Variants in MARCHF1 observed in about 807,000 individuals in gnomAD.
MARCHF1 encodes the protein E3 ubiquitin-protein ligase MARCHF1.
MARCHF1 carries 40 observed loss-of-function variants against 54.2 expected under a neutral mutation model. That is an observed-to-expected ratio of 0.74 (90% confidence interval 0.57 to 0.96). MARCHF1 has a LOEUF of 0.96. Among genes scored for constraint, MARCHF1 ranks in the 40% least tolerant of loss-of-function variants. The pLI, the probability that MARCHF1 is intolerant of heterozygous loss-of-function variation, is 0.00. For missense variants in MARCHF1, 586 were observed against 656.5 expected (o/e 0.89, Z 1.17); for synonymous variants, 236 against 236.3 (o/e 1.00, Z 0.01).
At chr4:163,992,134 A>G (rs1752979564) in intron 2 of MARCHF1, among the ~76,000 whole-genome samples, 1 of 151,572 alleles carries the variant, frequency 6.6e-6, no homozygotes, top group Non-Finnish European at 1.5e-5. Context: ...AAGAAAGGAA[A>G]CCCAGTGTTG....
intron 2 of MARCHF1, among the ~76,000 whole-genome samples, chr4:164,084,474 A>G (rs1755157535): frequency 1.3e-5 from 2 of 151,900 alleles, no homozygotes; most frequent in Non-Finnish European, 3.0e-5. Flanking sequence ...AAGAATTTCC[A>G]CATTTTCCAT....
intron 2 of MARCHF1, among the ~76,000 whole-genome samples, chr4:163,994,148 C>T (rs781782261): frequency 1.3e-4 from 20 of 152,030 alleles, no homozygotes; most frequent in Non-Finnish European, 2.8e-4. Context: ...GTAAAGCAGT[C>T]ATCCCAAAAG....
In MARCHF1 at chr4:164,220,606, A is replaced by ATGCTATATATGCATATATGTAATATG. The variant is rs1560959847; in HGVS notation, c.-322-108945_-322-108944insCATATTACATATATGCATATATAGCA. Reference sequence around the variant, plus strand: ...TATGATATATGTATATATGTAATATATATGCTATATATGCATATATGTAAT... The same window carrying ATGCTATATATGCATATATGTAATATG: ...TATGATATATGTATATATGTAATATATGCTATATATGCATATATGTAATATGTATGCTATATATGCATATATGTAAT... On this transcript the variant is annotated intron_variant, in intron 1 of 9. Coordinates refer to ENST00000514618, the MANE Select transcript of MARCHF1 (RefSeq NM_001394959.1). 2.9e-5 allele frequency among the ~76,000 whole-genome samples: 4 copies of ATGCTATATATGCATATATGTAATATG among 138,886 alleles called. 1 individual carries two copies. The South Asian group carries it at 6.7e-4, about 23-fold the overall frequency. The allele number at this position is 138,886 out of a possible 152,430, so 91.1% of individuals were successfully genotyped here. A position where few individuals can be genotyped will look rare whatever the true frequency, so the allele number is the denominator to read the frequency against.
chr4:163,733,650 T>A (rs1463261646), intron 4 of MARCHF1, among the ~76,000 whole-genome samples: 1 of 151,964 alleles, frequency 6.6e-6, no homozygotes, highest in Admixed American at 6.6e-5. Context: ...AGCCTTCATT[T>A]TCTGTTCAAG....
intron 1 of MARCHF1, among the ~76,000 whole-genome samples, chr4:164,336,448 T>C (rs1279195814): frequency 6.6e-6 from 1 of 152,214 alleles, no homozygotes; most frequent in Non-Finnish European, 1.5e-5. Context: ...TTTATGCAAA[T>C]CAGTTTCTTT....
rs192938850 is a variant in MARCHF1 at position 164,316,559 on chromosome 4, C to T, written c.-323+67311G>A. 4.2e-4 allele frequency among the ~76,000 whole-genome samples: 64 copies of T among 152,128 alleles called. 1 individual carries two copies. In the East Asian group the frequency reaches 0.012, roughly 28 times the overall value. On this transcript the variant is annotated intron_variant, in intron 1 of 9. Transcript: ENST00000514618. Reference sequence around the variant, plus strand: ...GTCTGCCTAAAATATTTTTAAACATCCAAATCCTATACTTATCCACTGAAG... The same window carrying T: ...GTCTGCCTAAAATATTTTTAAACATTCAAATCCTATACTTATCCACTGAAG...
chr4:164,303,715 C>T (rs1255894354), intron 1 of MARCHF1, among the ~76,000 whole-genome samples: 1 of 139,874 alleles, frequency 7.1e-6, no homozygotes, highest in African/African-American at 2.7e-5. Context: ...CCTACCACAG[C>T]CACTGCACCC....
At chr4:163,919,160 A>G (rs1751372027) in intron 3 of MARCHF1, among the ~76,000 whole-genome samples, 1 of 152,238 alleles carries the variant, frequency 6.6e-6, no homozygotes, top group South Asian at 2.1e-4. Flanking sequence ...AACAAATGTT[A>G]TTATGAGTTG....
intron 3 of MARCHF1, among the ~76,000 whole-genome samples, chr4:163,933,582 A>G (rs1319075105): frequency 2.0e-5 from 3 of 152,244 alleles, no homozygotes; most frequent in African/African-American, 7.2e-5. Flanking sequence ...GTTTTGTATT[A>G]CTGTGAAGAT....
rs544885367 is a variant in MARCHF1, at chr4:163,671,705, G to T, written c.162+29108C>A. ...AGTAAATGTATTCGTATTTAAGTAT[G>T]CATATATTAAATTTGCAAAACTCTG... On this transcript the variant is annotated intron_variant, in intron 5 of 9. Transcript: ENST00000514618. Among the ~76,000 whole-genome samples the T allele has an allele frequency of 8.2e-4, 124 of 152,124 alleles. 1 individual carries two copies. The highest frequency in any genetic ancestry group is 2.9e-3 in the African/African-American group (120 of 41,494).
chr4:163,823,396 A>C (rs965511030), intron 4 of MARCHF1, among the ~76,000 whole-genome samples: 1 of 151,850 alleles, frequency 6.6e-6, no homozygotes, highest in Non-Finnish European at 1.5e-5. Flanking sequence ...ACTTTGCCCA[A>C]ATCAAACCTA....
At chr4:164,382,095 A>T (rs1218760271) in intron 1 of MARCHF1, among the ~76,000 whole-genome samples, 2 of 152,220 alleles carry the variant, frequency 1.3e-5, no homozygotes, top group Non-Finnish European at 2.9e-5. Flanking sequence ...CAAAATCAAA[A>T]CTGACACAGC....
intron 1 of MARCHF1, among the ~76,000 whole-genome samples, chr4:164,366,494 A>G (rs1730883902): frequency 6.6e-6 from 1 of 152,068 alleles, no homozygotes; most frequent in South Asian, 2.1e-4. Flanking sequence ...CCTAGGAGGA[A>G]GCAGTTTGTC....
At chr4:164,247,861 C>A (rs1310908731) in intron 1 of MARCHF1, among the ~76,000 whole-genome samples, 1 of 149,314 alleles carries the variant, frequency 6.7e-6, no homozygotes, top group African/African-American at 2.5e-5. Context: ...TCTGCCAGTC[C>A]AAATTTCAAG....
At chr4:163,856,040 C>T (rs79589660) in intron 3 of MARCHF1, among the ~76,000 whole-genome samples, 59 of 152,266 alleles carry the variant, frequency 3.9e-4, no homozygotes, top group Non-Finnish European at 7.8e-4. Context: ...ATTTTTAGAT[C>T]TGTACGCTTA....
rs551252335 is a variant in MARCHF1 at position 163,803,183 on chromosome 4, GT to G, written c.111+50837del. 1.9e-3 allele frequency among the ~76,000 whole-genome samples: 293 copies of G among 152,064 alleles called. 1 individual carries two copies. The highest frequency in any genetic ancestry group is 6.8e-3 in the African/African-American group (283 of 41,504). ...AAACATATTATTATTATTATTAATT[GT>G]TTTTTTGAGATAGAGTTTCACTCTT... On this transcript the variant is annotated intron_variant, in intron 4 of 9. Transcript: ENST00000514618.
rs1258909531 is a variant in MARCHF1 at position 163,988,530 on chromosome 4, T to C, written c.-68A>G. On this transcript the variant is annotated 5_prime_UTR_variant, in exon 3 of 10. Transcript: ENST00000514618. ...ACTTCCTTGTTCTTCTCTTTGTTTC[T>C]GCCCATTGAATTTCTCCCATTGCTG... is the stretch of plus-strand genomic sequence containing the variant. 1 of 152,364 alleles carries C rather than the reference T, an allele frequency of 6.6e-6. No homozygotes were observed. Among genetic ancestry groups the C allele is most frequent in the African/African-American group, 2.4e-5 (1 of 41,464 alleles). 9.4% of individuals were successfully genotyped at this position (152,364 alleles called of 1,614,324 possible).
chr4:164,155,308 C>T (rs1052024415), intron 1 of MARCHF1, among the ~76,000 whole-genome samples: 3 of 149,820 alleles, frequency 2.0e-5, no homozygotes, highest in Non-Finnish European at 3.0e-5. Context: ...CTTACCTGTT[C>T]GTTATAATTT....
chr4:163,619,647 A>G (rs538370982), intron 5 of MARCHF1, among the ~76,000 whole-genome samples: 78 of 152,146 alleles, frequency 5.1e-4, no homozygotes, highest in African/African-American at 1.9e-3. Context: ...ACAAATTTGC[A>G]TCTCTAGTTA....
Sources: allele counts gnomAD v4.1 joint callset (sites outside exome capture counted in the v4.1 genomes callset), GRCh38; gene constraint gnomAD v4.1.1; transcripts MANE v1.5; gene names NCBI Gene and HGNC (gene_info 2026-07-23, HGNC 2026-07-21).